Variants in DENND1A observed in about 807,000 individuals in gnomAD.
The protein encoded by DENND1A is DENN domain-containing protein 1A.
DENND1A carries 51 observed loss-of-function variants against 113.7 expected under a neutral mutation model. The ratio of observed to expected loss-of-function variants is 0.45; its 90% CI spans 0.36 to 0.57. The LOEUF is 0.57. DENND1A is among the 20% of genes least tolerant of loss of function. DENND1A has a pLI of 0.00. For missense variants in DENND1A, 1,258 were observed against 1,395.9 expected, an observed-to-expected ratio of 0.90 and a Z score of 1.57; for synonymous variants, 565 against 570.8, an observed-to-expected ratio of 0.99 and a Z score of 0.14.
chr9:123,863,432 A>G (rs551568436), intron 2 of DENND1A, among the ~76,000 whole-genome samples: 1 of 152,322 alleles, frequency 6.6e-6, no homozygotes, highest in Non-Finnish European at 1.5e-5. Flanking sequence ...TGTTTTGGAG[A>G]AAAGGAAGAA....
intron 13 of DENND1A, among the ~76,000 whole-genome samples, chr9:123,543,421 T>C (rs958772072): frequency 6.6e-6 from 1 of 152,236 alleles, no homozygotes; most frequent in Non-Finnish European, 1.5e-5. Context: ...TTCCAAATTC[T>C]ATGGGATCAG....
intron 6 of DENND1A, 120 bp downstream of exon 6, chr9:123,676,600 C>A: frequency 1.2e-6 from 1 of 865,084 alleles, no homozygotes; most frequent in Non-Finnish European, 1.7e-6. Context: ...TCTGAATTTC[C>A]CAAAATTCCT....
intron 2 of DENND1A, among the ~76,000 whole-genome samples, chr9:123,826,687 C>T (rs1443253656): frequency 1.3e-5 from 2 of 152,128 alleles, no homozygotes; most frequent in Non-Finnish European, 2.9e-5. Context: ...TCTAATTAAA[C>T]CTATTCTCCA....
intron 1 of DENND1A, among the ~76,000 whole-genome samples, chr9:123,900,989 G>C (rs73577772): frequency 0.025 from 3,839 of 152,286 alleles, 169 homozygotes; most frequent in African/African-American, 0.088. Flanking sequence ...AAGTTCAAAA[G>C]AGTTCAATAA....
chr9:123,633,840 G>A (rs1170142734), intron 9 of DENND1A, among the ~76,000 whole-genome samples: 2 of 152,082 alleles, frequency 1.3e-5, no homozygotes, highest in African/African-American at 2.4e-5. Flanking sequence ...ACACAAGCAT[G>A]GCACTTTTGG....
intron 2 of DENND1A, among the ~76,000 whole-genome samples, chr9:123,804,446 T>G (rs1835207440): frequency 6.6e-6 from 1 of 152,234 alleles, no homozygotes; most frequent in African/African-American, 2.4e-5. Flanking sequence ...CACTGGCTTC[T>G]GCAGGCTCCT....
chr9:123,899,991 G>A (rs1851348266), intron 1 of DENND1A, among the ~76,000 whole-genome samples: 1 of 152,224 alleles, frequency 6.6e-6, no homozygotes, highest in African/African-American at 2.4e-5. Context: ...AAGTGAGACA[G>A]CCTAGGCTAC....
chr9:123,604,388 T>C (rs17287018), intron 11 of DENND1A, among the ~76,000 whole-genome samples: 12,319 of 152,280 alleles, frequency 0.081, 538 homozygotes, highest in Non-Finnish European at 0.09. Context: ...CTTTATATTT[T>C]TCTGCATCTG....
At chr9:123,459,472 C>T (rs3936028) in intron 13 of DENND1A, among the ~76,000 whole-genome samples, 144,273 of 152,226 alleles carry the variant, frequency 0.95, 68,766 homozygotes, top group Non-Finnish European at 1. Flanking sequence ...TATGCTTATG[C>T]TGTTTGATAA....
At chr9:123,428,657 C>CGAGA (rs1234867238) in intron 19 of DENND1A, among the ~76,000 whole-genome samples, 12 of 152,200 alleles carry the variant, frequency 7.9e-5, no homozygotes, top group Admixed American at 7.8e-4. Flanking sequence ...AAAACCCCAT[C>CGAGA]GTCTCAGCCC....
At chr9:123,433,556 C>T (rs2046297447) in intron 19 of DENND1A, among the ~76,000 whole-genome samples, 1 of 152,228 alleles carries the variant, frequency 6.6e-6, no homozygotes, top group African/African-American at 2.4e-5. Context: ...TAAACCCCTA[C>T]AAAACTATCA....
At chr9:123,591,861 A>G (rs2059473507) in intron 11 of DENND1A, among the ~76,000 whole-genome samples, 1 of 152,258 alleles carries the variant, frequency 6.6e-6, no homozygotes, top group African/African-American at 2.4e-5. Context: ...GATAACAATC[A>G]TGTAAAATTA....
At chr9:123,688,174 C>A (rs2064936084) in intron 5 of DENND1A, among the ~76,000 whole-genome samples, 1 of 152,114 alleles carries the variant, frequency 6.6e-6, no homozygotes, top group Admixed American at 6.5e-5. Context: ...AAACTGACAC[C>A]CAGAAAAGCT....
chr9:123,821,277 T>C (rs2132615296), intron 2 of DENND1A, among the ~76,000 whole-genome samples: 1 of 152,296 alleles, frequency 6.6e-6, no homozygotes, highest in Non-Finnish European at 1.5e-5. Context: ...TATAATAAAG[T>C]AACAGGAAAT....
chr9:123,647,582 C>A (rs567483007), intron 9 of DENND1A, among the ~76,000 whole-genome samples: 1 of 152,276 alleles, frequency 6.6e-6, no homozygotes, highest in East Asian at 1.9e-4. Flanking sequence ...TTTCTTTTTA[C>A]CTTTGTAGTT....
At chr9:123,421,436 G>A (rs2131816260) in intron 19 of DENND1A, among the ~76,000 whole-genome samples, 1 of 152,188 alleles carries the variant, frequency 6.6e-6, no homozygotes, top group Admixed American at 6.5e-5. Flanking sequence ...AGAAGAAGAT[G>A]TTAAAACGTA....
chr9:123,757,628 T>A (rs1049956836), intron 5 of DENND1A, 75 bp downstream of exon 5: 40 of 1,567,572 alleles, frequency 2.6e-5, no homozygotes, highest in Non-Finnish European at 3.4e-5. Flanking sequence ...GCTGGAAGAT[T>A]TAATTACGGA....
intron 19 of DENND1A, among the ~76,000 whole-genome samples, chr9:123,438,212 G>A (rs1443138040): frequency 1.3e-5 from 2 of 152,068 alleles, no homozygotes; most frequent in South Asian, 2.1e-4. Context: ...CCAGGGACCC[G>A]GGAAAAGACT....
intron 2 of DENND1A, among the ~76,000 whole-genome samples, chr9:123,805,665 C>G (rs1184857289): frequency 1.3e-5 from 2 of 152,040 alleles, no homozygotes; most frequent in Non-Finnish European, 2.9e-5. Flanking sequence ...AACTCCTGAC[C>G]TCAAGTGACC....
Sources: allele counts gnomAD v4.1 joint callset (sites outside exome capture counted in the v4.1 genomes callset), GRCh38; gene constraint gnomAD v4.1.1; transcripts MANE v1.5; gene names NCBI Gene and HGNC (gene_info 2026-07-23, HGNC 2026-07-21).